The following PRH1 variants were observed in gnomAD, a reference collection of about 807,000 sequenced individuals.
PRH1 encodes the protein salivary acidic proline-rich phosphoprotein 1/2.
A neutral mutation model predicts 7.9 loss-of-function variants in PRH1; 7 were observed. The ratio of observed to expected loss-of-function variants is 0.89; its 90% CI spans 0.50 to 1.67. PRH1 has a LOEUF of 1.67. Ranked by LOEUF, PRH1 falls within the 40% of genes most tolerant of loss-of-function variation. The pLI, the probability that PRH1 is intolerant of heterozygous loss-of-function variation, is 0.00. For missense variants in PRH1, 109 were observed against 223.6 expected (o/e 0.49, Z 3.27); for synonymous variants, 45 against 80.8 (o/e 0.56, Z 2.38).
chr12:11,161,369 A>C (rs1947407585), intron 1 of PRH1, among the ~76,000 whole-genome samples: 1 of 152,130 alleles, frequency 6.6e-6, no homozygotes. Flanking sequence ...AAAGTGGGAG[A>C]ATTTGTTTAG....
intron 2 of PRH1, among the ~76,000 whole-genome samples, chr12:10,927,354 A>T (rs936550771): frequency 6.6e-6 from 1 of 152,158 alleles, no homozygotes; most frequent in Non-Finnish European, 1.5e-5. Context: ...GGTCTAATGG[A>T]AAACAGTATC....
chr12:11,060,641 T>C (rs1051801959), intron 1 of PRH1, among the ~76,000 whole-genome samples: 3 of 149,742 alleles, frequency 2.0e-5, no homozygotes, highest in Non-Finnish European at 3.0e-5. Context: ...ATCCCTATTA[T>C]AGAAGAGATT....
intron 2 of PRH1, among the ~76,000 whole-genome samples, chr12:10,966,198 C>G (rs145297966): frequency 6.6e-6 from 1 of 152,148 alleles, no homozygotes; most frequent in Non-Finnish European, 1.5e-5. Context: ...TAAAGTTACT[C>G]TCAAGTCTAT....
At chr12:11,059,209 G>T (rs193195808) in intron 1 of PRH1, among the ~76,000 whole-genome samples, 292 of 152,226 alleles carry the variant, frequency 1.9e-3, no homozygotes, top group Non-Finnish European at 2.0e-3. Flanking sequence ...GTTTCCCCTT[G>T]TAGCCCTTCT....
At chr12:11,010,449 C>G (rs1941014482) in intron 1 of PRH1, among the ~76,000 whole-genome samples, 1 of 151,808 alleles carries the variant, frequency 6.6e-6, no homozygotes, top group Admixed American at 6.6e-5. Flanking sequence ...ATATTATTCT[C>G]AGTATCAGGT....
At chr12:11,141,145 A>C (rs544244584) in intron 1 of PRH1, among the ~76,000 whole-genome samples, 94 of 152,336 alleles carry the variant, frequency 6.2e-4, no homozygotes, top group African/African-American at 2.2e-3. Flanking sequence ...GAGATCATCC[A>C]GGTGGAAATA....
intron 1 of PRH1, chr12:10,997,634 A>T: frequency 1.2e-6 from 2 of 1,613,734 alleles, no homozygotes; most frequent in Admixed American, 1.7e-5. Context: ...AATAAAAATT[A>T]TTACTTTTAA....
chr12:10,998,014 A>G, intron 1 of PRH1: 1 of 595,662 alleles, frequency 1.7e-6, no homozygotes, highest in South Asian at 3.3e-5. Context: ...AATTCTGTGA[A>G]CAATGTCAAC....
At chr12:11,100,050 T>C (rs553739183) in intron 1 of PRH1, among the ~76,000 whole-genome samples, 1 of 152,302 alleles carries the variant, frequency 6.6e-6, no homozygotes, top group East Asian at 1.9e-4. Context: ...AGAATGTATA[T>C]ACAACTAATT....
intron 1 of PRH1, among the ~76,000 whole-genome samples, chr12:11,146,589 T>C (rs764008149): frequency 9.9e-5 from 15 of 152,194 alleles, no homozygotes; most frequent in Non-Finnish European, 1.9e-4. Context: ...CCAAGGAATT[T>C]AAAACTTATC....
In PRH1 at chr12:10,997,694, A is replaced by G. The variant is rs145671986; in HGVS notation, c.-125-23973T>C. The G allele has an allele frequency of 4.3e-6, 7 of 1,613,778 alleles. No individual in the cohort carries two copies. In the African/African-American group the frequency reaches 6.7e-5, roughly 15 times the overall value. ...AGTTGAATACCAATGTAATAATATT[A>G]CCCAGAGCAAACCAACTCTGGAGAC... is the stretch of plus-strand genomic sequence containing the variant. On this transcript the variant is annotated intron_variant, in intron 1 of 3. Coordinates refer to the PRH1 transcript ENST00000539853.
intron 1 of PRH1, among the ~76,000 whole-genome samples, chr12:11,153,250 T>C (rs1379528981): frequency 2.0e-5 from 3 of 152,186 alleles, no homozygotes; most frequent in African/African-American, 7.2e-5. Context: ...AGGCTTTGAA[T>C]TACTAGCTTC....
intron 1 of PRH1, among the ~76,000 whole-genome samples, chr12:11,006,533 C>A (rs776172514): frequency 1.3e-4 from 19 of 151,976 alleles, no homozygotes; most frequent in Non-Finnish European, 1.9e-4. Flanking sequence ...CAGGCATGCA[C>A]CACCAAGCCT....
chr12:11,167,569 C>T (rs1015506632), intron 1 of PRH1, among the ~76,000 whole-genome samples: 15 of 151,930 alleles, frequency 9.9e-5, no homozygotes, highest in African/African-American at 3.1e-4. Context: ...CTCAGCCTCC[C>T]GAGTAGGTGG....
chr12:11,128,807 T>C (rs530881336), intron 1 of PRH1, among the ~76,000 whole-genome samples: 8 of 152,358 alleles, frequency 5.3e-5, no homozygotes, highest in Admixed American at 3.9e-4. Context: ...TAGGAGTTAA[T>C]ATACTATTTC....
rs1950127298 is a variant in PRH1 at position 10,926,619 on chromosome 12, C to T, written c.-58-42344G>A. Among the ~76,000 whole-genome samples the T allele has an allele frequency of 2.0e-5, 3 of 152,098 alleles. No homozygotes were observed. In the South Asian group the frequency reaches 6.2e-4, roughly 32 times the overall value. On this transcript the variant is annotated intron_variant, in intron 2 of 3. Coordinates refer to the PRH1 transcript ENST00000539853. ...ACTGGGGGAAGAATGTTACCAGGAC[C>T]AGGTCGAGGCTGTTAAAGACCTCCA...
chr12:11,138,302 T>C (rs1243874730), intron 1 of PRH1, among the ~76,000 whole-genome samples: 1 of 152,194 alleles, frequency 6.6e-6, no homozygotes. Flanking sequence ...TATCTTACTA[T>C]AGCAGTCAAA....
chr12:10,928,402 T>A (rs951288253), intron 2 of PRH1, among the ~76,000 whole-genome samples: 2 of 152,234 alleles, frequency 1.3e-5, no homozygotes, highest in Non-Finnish European at 2.9e-5. Flanking sequence ...ATGAATTCTA[T>A]AGAATATTCT....
At chr12:10,959,247 A>C (rs757308201) in intron 2 of PRH1, among the ~76,000 whole-genome samples, 1 of 152,140 alleles carries the variant, frequency 6.6e-6, no homozygotes, top group Non-Finnish European at 1.5e-5. Flanking sequence ...CAAATCTGAC[A>C]ATTGGGGGAA....
Sources: allele counts gnomAD v4.1 joint callset (sites outside exome capture counted in the v4.1 genomes callset), GRCh38; gene constraint gnomAD v4.1.1; transcripts MANE v1.5; gene names NCBI Gene and HGNC (gene_info 2026-07-23, HGNC 2026-07-21).